The following SGCZ variants were observed in gnomAD, a reference collection of about 807,000 sequenced individuals.
The protein encoded by SGCZ is zeta-sarcoglycan.
A neutral mutation model predicts 41.3 loss-of-function variants in SGCZ; 40 were observed. That is an observed-to-expected ratio of 0.97 (90% CI 0.75 to 1.26). The LOEUF (loss-of-function observed/expected upper bound fraction) is 1.26, where lower values mean the gene tolerates loss of function less well. SGCZ is among the 50% of genes most tolerant of loss of function. SGCZ has a pLI of 0.00. For synonymous variants in SGCZ, 206 were observed against 137.5 expected, an observed-to-expected ratio of 1.50 and a Z score of -3.49; for missense variants, 552 against 369.8, an observed-to-expected ratio of 1.49 and a Z score of -4.04.
chr8:14,577,333 G>A (rs1804740892), intron 1 of SGCZ, among the ~76,000 whole-genome samples: 1 of 149,532 alleles, frequency 6.7e-6, no homozygotes, highest in Non-Finnish European at 1.5e-5. Context: ...ATTATCAAAT[G>A]AAGCCAACAT....
rs115117222 is a variant in SGCZ at position 14,588,960 on chromosome 8, G to A, written c.40-34034C>T. Among the ~76,000 whole-genome samples the A allele has an allele frequency of 5.8e-3, 880 of 152,170 alleles. 4 individuals are homozygous for A. The highest frequency in any genetic ancestry group is 0.02 in the African/African-American group (846 of 41,520). On this transcript the variant is annotated intron_variant, in intron 1 of 7. Coordinates refer to ENST00000382080, the MANE Select transcript of SGCZ (RefSeq NM_139167.4). ...AAATATAATTCAGATCGTTACATTT[G>A]CTATGGTGTATGATGAGTACAATGA...
chr8:15,075,446 G>T (rs1040639201), intron 1 of SGCZ, among the ~76,000 whole-genome samples: 1 of 152,096 alleles, frequency 6.6e-6, no homozygotes, highest in Admixed American at 6.5e-5. Flanking sequence ...GATCACTTTT[G>T]TAAGTATCTT....
At chr8:14,234,459 T>C (rs980153584) in intron 4 of SGCZ, among the ~76,000 whole-genome samples, 1 of 152,076 alleles carries the variant, frequency 6.6e-6, no homozygotes, top group African/African-American at 2.4e-5. Flanking sequence ...ATATGGAAAA[T>C]ACTCAAATTG....
intron 2 of SGCZ, among the ~76,000 whole-genome samples, chr8:14,358,859 T>G (rs1803397949): frequency 6.6e-6 from 1 of 152,130 alleles, no homozygotes; most frequent in Non-Finnish European, 1.5e-5. Flanking sequence ...TCCACCTGCC[T>G]CAGCCTCCCA....
chr8:14,211,942 C>A (rs1015589761), intron 4 of SGCZ, among the ~76,000 whole-genome samples: 3 of 152,094 alleles, frequency 2.0e-5, no homozygotes, highest in Admixed American at 2.0e-4. Context: ...TGTGCCATAC[C>A]CAGAAAGTTC....
intron 1 of SGCZ, among the ~76,000 whole-genome samples, chr8:14,897,300 GAAAGTTCCCATC>G (rs1805236064): frequency 6.6e-6 from 1 of 152,112 alleles, no homozygotes; most frequent in Non-Finnish European, 1.5e-5. Context: ...GTCTTCTCTA[GAAAGTTCCCATC>G]TGATAAAAGG....
At chr8:14,515,520 A>G (rs776867598) in intron 2 of SGCZ, among the ~76,000 whole-genome samples, 7 of 152,042 alleles carry the variant, frequency 4.6e-5, no homozygotes, top group Non-Finnish European at 8.8e-5. Flanking sequence ...CAAGTACCTT[A>G]TTTCTTTCAC....
At chr8:14,192,572 A>G (rs1429242935) in intron 4 of SGCZ, among the ~76,000 whole-genome samples, 1 of 151,902 alleles carries the variant, frequency 6.6e-6, no homozygotes. Flanking sequence ...CAAGAGTTCT[A>G]TCCAAGAATA....
chr8:14,783,433 C>CAAA (rs879664630), intron 1 of SGCZ, among the ~76,000 whole-genome samples: 1 of 84,634 alleles, frequency 1.2e-5, no homozygotes. Flanking sequence ...GATTTTGTCT[C>CAAA]AAAAAAAAAA....
At chr8:14,489,225 G>A (rs190615544) in intron 2 of SGCZ, among the ~76,000 whole-genome samples, 1 of 151,948 alleles carries the variant, frequency 6.6e-6, no homozygotes, top group African/African-American at 2.4e-5. Flanking sequence ...TCAAAAATTA[G>A]AACGGGAACA....
intron 2 of SGCZ, among the ~76,000 whole-genome samples, chr8:14,452,326 G>A (rs1056381895): frequency 6.6e-6 from 1 of 151,948 alleles, no homozygotes; most frequent in African/African-American, 2.4e-5. Context: ...TAACAGGAAG[G>A]GCACAGTGGA....
intron 1 of SGCZ, among the ~76,000 whole-genome samples, chr8:14,709,157 A>C (rs913632380): frequency 6.6e-6 from 1 of 152,172 alleles, no homozygotes; most frequent in Non-Finnish European, 1.5e-5. Context: ...CATGATCTAA[A>C]AGCATCTTAC....
intron 2 of SGCZ, among the ~76,000 whole-genome samples, chr8:14,456,590 T>G (rs938617915): frequency 3.3e-5 from 5 of 151,994 alleles, no homozygotes; most frequent in African/African-American, 1.2e-4. Flanking sequence ...TTAACGAGAT[T>G]GGTTACCTAT....
At chr8:14,696,172 A>G (rs1808954312) in intron 1 of SGCZ, among the ~76,000 whole-genome samples, 1 of 152,108 alleles carries the variant, frequency 6.6e-6, no homozygotes, top group African/African-American at 2.4e-5. Flanking sequence ...GGTTGACATT[A>G]TATCACGTTC....
chr8:14,324,015 G>C lies in SGCZ; in HGVS notation c.336+88C>G, dbSNP rs866745339. 4.7e-5 allele frequency: 37 copies of C among 784,506 alleles called. 1 individual carries two copies. The Middle Eastern group carries it at 7.1e-4, about 15-fold the overall frequency. 48.6% of individuals were successfully genotyped at this position (784,506 alleles called of 1,614,324 possible). A position where few individuals can be genotyped will look rare whatever the true frequency, so the allele number is the denominator to read the frequency against. On this transcript the variant is annotated intron_variant, in intron 3 of 7. Transcript: ENST00000382080. ...TTAAGGAAACTAAACACATGCTGAA[G>C]AGATAAGGGGATTCTACCCTGCTAT...
intron 1 of SGCZ, among the ~76,000 whole-genome samples, chr8:14,721,219 A>G (rs1018093163): frequency 2.6e-5 from 4 of 152,140 alleles, no homozygotes; most frequent in Non-Finnish European, 4.4e-5. Context: ...TGGTGATTGC[A>G]TCTAGTTCCA....
rs183354873 is a variant in SGCZ at position 14,163,829 on chromosome 8, G to C, written c.547+751C>G. On this transcript the variant is annotated intron_variant, in intron 5 of 7. Coordinates refer to ENST00000382080, the MANE Select transcript of SGCZ (RefSeq NM_139167.4). ...TGAGCTGTTTCCAAACTCAAGTTTG[G>C]GAAACATGAAGTCAAATATACTTTA... 2.0e-5 allele frequency among the ~76,000 whole-genome samples: 3 copies of C among 152,154 alleles called. No individual in the cohort carries two copies. The East Asian group carries it at 5.8e-4, about 29-fold the overall frequency.
At chr8:14,929,268 G>A (rs185728418) in intron 1 of SGCZ, among the ~76,000 whole-genome samples, 47 of 152,310 alleles carry the variant, frequency 3.1e-4, no homozygotes, top group Non-Finnish European at 5.7e-4. Flanking sequence ...TGGGATTACA[G>A]GCGTGAACCA....
intron 1 of SGCZ, among the ~76,000 whole-genome samples, chr8:14,736,315 T>C (rs191495686): frequency 5.6e-4 from 85 of 152,316 alleles, no homozygotes; most frequent in Non-Finnish European, 1.0e-3. Flanking sequence ...ATAAATTCCC[T>C]TTAAATAGTC....
Sources: gnomAD v4.1 joint callset for allele counts (sites outside exome capture counted in the v4.1 genomes callset) on GRCh38, gnomAD v4.1.1 for gene constraint, MANE v1.5 for transcripts, NCBI Gene and HGNC (gene_info 2026-07-23, HGNC 2026-07-21) for gene names.